The following SLC20A2 variants were observed in gnomAD, a reference collection of about 807,000 sequenced individuals.
The protein encoded by SLC20A2 is solute carrier family 20 member 2.
A neutral mutation model predicts 61.0 loss-of-function variants in SLC20A2; 30 were observed. The observed-to-expected ratio is 0.49, with a 90% CI of 0.37 to 0.67. The LOEUF (loss-of-function observed/expected upper bound fraction) is 0.67. Among genes scored for constraint, SLC20A2 ranks in the 30% least tolerant of loss-of-function variants. The pLI is 0.00. For synonymous variants in SLC20A2, 351 were observed against 353.3 expected (o/e 0.99, Z 0.07); for missense variants, 626 against 866.4 (o/e 0.72, Z 3.48).
intron 1 of SLC20A2, among the ~76,000 whole-genome samples, chr8:42,520,004 TAA>T (rs1811546690): frequency 7.2e-6 from 1 of 138,978 alleles, no homozygotes; most frequent in East Asian, 2.1e-4. Flanking sequence ...CTCTTTATGC[TAA>T]TCTTTTTTTT....
At position 42,437,631 on chromosome 8, in the gene SLC20A2, T is replaced by A; in HGVS notation, c.935-54A>T. 7.0e-7 allele frequency: 1 copy of A among 1,420,064 alleles called. No homozygotes were observed. The highest frequency in any genetic ancestry group is 9.4e-7 in the Non-Finnish European group (1 of 1,063,518). The allele number at this position is 1,420,064 out of a possible 1,614,324, so 88.0% of individuals were successfully genotyped here. A position where few individuals can be genotyped will look rare whatever the true frequency, so the allele number is the denominator to read the frequency against. On this transcript the variant is annotated intron_variant, in intron 7 of 10. Coordinates refer to ENST00000520262, the MANE Select transcript of SLC20A2 (RefSeq NM_001257180.2). The surrounding 1 kb of genome is among the most constrained non-coding windows in gnomAD (Gnocchi z 6.4). ...TCCAGTCTTTTTTTTTTTTTTCTTT[T>A]CTTTTTGAGACGGAGCCTTGCTCTG...
intron 8 of SLC20A2, among the ~76,000 whole-genome samples, chr8:42,430,819 C>A (rs369299763): frequency 2.0e-5 from 3 of 152,066 alleles, no homozygotes; most frequent in African/African-American, 7.2e-5. Context: ...ATTATCATAT[C>A]TGTTATGGTG....
chr8:42,524,224 G>A (rs1377018325), intron 1 of SLC20A2, among the ~76,000 whole-genome samples: 1 of 152,160 alleles, frequency 6.6e-6, no homozygotes, highest in Non-Finnish European at 1.5e-5. Flanking sequence ...AAATAGAAAG[G>A]CTTTTAAGAT....
chr8:42,488,898 G>C (rs191172441), intron 1 of SLC20A2, among the ~76,000 whole-genome samples: 2 of 150,760 alleles, frequency 1.3e-5, no homozygotes, highest in East Asian at 3.9e-4. Flanking sequence ...TAAAAAATCA[G>C]GTCGTTTGCT....
intron 1 of SLC20A2, among the ~76,000 whole-genome samples, chr8:42,529,401 CTATGAG>C (rs545634913): frequency 1.3e-4 from 20 of 152,204 alleles, no homozygotes; most frequent in East Asian, 7.7e-4. Context: ...ATCACATATT[CTATGAG>C]TATATTACAG....
At chr8:42,431,875 C>A (rs973122720) in intron 8 of SLC20A2, among the ~76,000 whole-genome samples, 5 of 152,170 alleles carry the variant, frequency 3.3e-5, no homozygotes, top group African/African-American at 9.7e-5. Context: ...ACTGTTGAGA[C>A]CTACTGCTCA....
In SLC20A2 at chr8:42,509,786, C is replaced by A. The variant is rs181436058; in HGVS notation, c.-265+32035G>T. 3.3e-5 allele frequency among the ~76,000 whole-genome samples: 5 copies of A among 152,036 alleles called. No individual in the cohort carries two copies. The East Asian group carries it at 9.7e-4, about 29-fold the overall frequency. On this transcript the variant is annotated intron_variant, in intron 1 of 10. Transcript: ENST00000342228. Reference sequence around the variant, plus strand: ...CAAAACAAAACAAAACAAAAAGATGCTAGGCTTGAAACCACTAGAGACAGA... The same window carrying A: ...CAAAACAAAACAAAACAAAAAGATGATAGGCTTGAAACCACTAGAGACAGA...
chr8:42,460,896 C>A (rs1806641130), intron 4 of SLC20A2, among the ~76,000 whole-genome samples: 1 of 152,184 alleles, frequency 6.6e-6, no homozygotes, highest in Non-Finnish European at 1.5e-5. Flanking sequence ...TTTACATGAA[C>A]ATGCTACCTG....
At chr8:42,450,240 T>C (rs1805536614) in intron 5 of SLC20A2, among the ~76,000 whole-genome samples, 1 of 152,000 alleles carries the variant, frequency 6.6e-6, no homozygotes. Flanking sequence ...CGTTCTTTTT[T>C]TTTTTGAGAC....
rs913307582 is a variant in SLC20A2 at position 42,526,120 on chromosome 8, A to T, written c.-265+15701T>A. Reference sequence around the variant, plus strand: ...AAGAAGGAGGAACTCTGCAGTGGTGAAGCTGGGCAAACACGACCCCAGCAG... The same window carrying T: ...AAGAAGGAGGAACTCTGCAGTGGTGTAGCTGGGCAAACACGACCCCAGCAG... On this transcript the variant is annotated intron_variant, in intron 1 of 10. Coordinates refer to the SLC20A2 transcript ENST00000342228. 5.9e-5 allele frequency among the ~76,000 whole-genome samples: 9 copies of T among 152,198 alleles called. 1 individual carries two copies. The highest frequency in any genetic ancestry group is 1.2e-4 in the Non-Finnish European group (8 of 68,034).
intron 1 of SLC20A2, among the ~76,000 whole-genome samples, chr8:42,493,874 G>T (rs550641999): frequency 3.3e-5 from 5 of 152,320 alleles, no homozygotes; most frequent in African/African-American, 1.2e-4. Context: ...GCTGGGCATG[G>T]TGGCTTATCT....
At chr8:42,431,867 T>G (rs1354022466) in intron 8 of SLC20A2, among the ~76,000 whole-genome samples, 1 of 152,246 alleles carries the variant, frequency 6.6e-6, no homozygotes, top group Admixed American at 6.5e-5. Context: ...TTAAGCCTAC[T>G]GTTGAGACCT....
At chr8:42,428,648 C>T in intron 10 of SLC20A2, 110 bp downstream of exon 10, 1 of 864,852 alleles carries the variant, frequency 1.2e-6, no homozygotes, top group Non-Finnish European at 1.7e-6. Flanking sequence ...CCTGGAGCTG[C>T]ATTTTGCACA....
intron 1 of SLC20A2, among the ~76,000 whole-genome samples, chr8:42,514,270 G>C (rs1412236301): frequency 6.6e-6 from 1 of 152,194 alleles, no homozygotes; most frequent in Non-Finnish European, 1.5e-5. Flanking sequence ...CAACACCACT[G>C]CATCAGCTTA....
chr8:42,487,102 T>G (rs1227983854), intron 1 of SLC20A2, among the ~76,000 whole-genome samples: 1 of 151,198 alleles, frequency 6.6e-6, no homozygotes. Context: ...TGACCTCAAG[T>G]GATCCACCCA....
chr8:42,429,592 G>A (rs1803689153), intron 9 of SLC20A2, among the ~76,000 whole-genome samples: 1 of 152,230 alleles, frequency 6.6e-6, no homozygotes, highest in Non-Finnish European at 1.5e-5. Flanking sequence ...CACATTTAAA[G>A]CCTCCAGAGC....
chr8:42,539,351 T>G (rs1812912937), intron 1 of SLC20A2, among the ~76,000 whole-genome samples: 1 of 152,222 alleles, frequency 6.6e-6, no homozygotes, highest in Non-Finnish European at 1.5e-5. Flanking sequence ...GTAACTGTTA[T>G]GCCTACACAA....
intron 5 of SLC20A2, among the ~76,000 whole-genome samples, chr8:42,451,798 A>T (rs968823665): frequency 7.1e-6 from 1 of 140,730 alleles, no homozygotes; most frequent in African/African-American, 2.7e-5. Flanking sequence ...GAAGAGGAGG[A>T]GGAAGAGATG....
At chr8:42,474,798 G>A (rs1586146747) in intron 1 of SLC20A2, among the ~76,000 whole-genome samples, 1 of 152,100 alleles carries the variant, frequency 6.6e-6, no homozygotes, top group Non-Finnish European at 1.5e-5. Flanking sequence ...ATAAACTGGT[G>A]ACAAGAACTA....
Sources: gnomAD v4.1 joint callset for allele counts (sites outside exome capture counted in the v4.1 genomes callset) on GRCh38, gnomAD v4.1.1 for gene constraint, Gnocchi (gnomAD v3.1) non-coding constraint, MANE v1.5 for transcripts, NCBI Gene and HGNC (gene_info 2026-07-23, HGNC 2026-07-21) for gene names.